FAM174B: variants seen among roughly 807,000 people sequenced by gnomAD.
FAM174B encodes membrane protein FAM174B.
In FAM174B, 12 loss-of-function variants were observed where a neutral mutation model predicts 10.9. That is an observed-to-expected ratio of 1.10 (90% CI 0.71 to 1.79). The LOEUF (loss-of-function observed/expected upper bound fraction) is 1.79. Among genes scored for constraint, FAM174B ranks in the 40% most tolerant of loss-of-function variants. FAM174B has a pLI of 0.00. For synonymous variants in FAM174B, 132 were observed against 115.8 expected (o/e 1.14, Z -0.90); for missense variants, 266 against 233.3 (o/e 1.14, Z -0.91).
chr15:92,654,100 C>G (rs1031032062), intron 1 of FAM174B, among the ~76,000 whole-genome samples: 2 of 152,184 alleles, frequency 1.3e-5, no homozygotes, highest in Non-Finnish European at 2.9e-5. Flanking sequence ...TCCCCTTTCT[C>G]CATTTTCTCA....
intron 2 of FAM174B, among the ~76,000 whole-genome samples, chr15:92,625,029 C>T (rs1246415622): frequency 2.6e-5 from 4 of 152,228 alleles, no homozygotes; most frequent in Non-Finnish European, 2.9e-5. Context: ...GAAACCCAAA[C>T]GCCTCTTGAA....
chr15:92,626,139 ACCAGGC>A (rs1567043033), intron 2 of FAM174B, among the ~76,000 whole-genome samples: 2 of 137,394 alleles, frequency 1.5e-5, no homozygotes, highest in Non-Finnish European at 3.1e-5. Context: ...TTTTTTTGAG[ACCAGGC>A]CGGAGTGCAC....
At chr15:92,632,692 T>A (rs1327917772) in intron 1 of FAM174B, among the ~76,000 whole-genome samples, 1 of 151,956 alleles carries the variant, frequency 6.6e-6, no homozygotes, top group African/African-American at 2.4e-5. Context: ...TTTTTTTTTT[T>A]TCTATCTGTA....
intron 1 of FAM174B, among the ~76,000 whole-genome samples, chr15:92,654,556 C>T (rs2050987952): frequency 6.6e-6 from 1 of 152,160 alleles, no homozygotes; most frequent in Non-Finnish European, 1.5e-5. Flanking sequence ...GAGCAACCTA[C>T]AAAAGGCTCT....
At position 92,619,096 on chromosome 15, in the gene FAM174B, G is replaced by C; in HGVS notation, c.*360C>G. ...CTTGTTTTAGATTCTTGATCCTCCT[G>C]ATCTCTTTTACTATTGTCAACAATT... is the stretch of plus-strand genomic sequence containing the variant. On this transcript the variant is annotated 3_prime_UTR_variant, in exon 3 of 3. Coordinates refer to ENST00000327355, the MANE Select transcript of FAM174B (RefSeq NM_207446.3). The C allele has an allele frequency of 1.6e-6, 1 of 641,844 alleles. No individual in the cohort carries two copies. Among genetic ancestry groups the C allele is most frequent in the South Asian group, 1.8e-5 (1 of 55,226 alleles). 39.8% of individuals were successfully genotyped at this position (641,844 alleles called of 1,614,324 possible). A position where few individuals can be genotyped will look rare whatever the true frequency, so the allele number is the denominator to read the frequency against.
intron 1 of FAM174B, among the ~76,000 whole-genome samples, chr15:92,633,158 A>G (rs1256264829): frequency 1.3e-5 from 2 of 152,220 alleles, no homozygotes; most frequent in Non-Finnish European, 2.9e-5. Flanking sequence ...CAGGTTCCCT[A>G]CACATTCTTC....
chr15:92,643,436 T>C (rs890818949), intron 1 of FAM174B, among the ~76,000 whole-genome samples: 3 of 151,072 alleles, frequency 2.0e-5, no homozygotes, highest in Admixed American at 2.0e-4. Context: ...CTGGAAAGAT[T>C]TGACAAGAAA....
At chr15:92,644,413 T>C (rs74595248) in intron 1 of FAM174B, among the ~76,000 whole-genome samples, 1,662 of 152,054 alleles carry the variant, frequency 0.011, 41 homozygotes, top group African/African-American at 0.038. Flanking sequence ...TTCAGACAAA[T>C]AAGTCACATG....
At chr15:92,654,083 C>A (rs1414858964) in intron 1 of FAM174B, among the ~76,000 whole-genome samples, 2 of 152,122 alleles carry the variant, frequency 1.3e-5, no homozygotes, top group African/African-American at 4.8e-5. Flanking sequence ...GAGCGTGGGA[C>A]CATACTTCCC....
At position 92,655,455 on chromosome 15, in the gene FAM174B, TGGA is replaced by T. The variant is rs1555422687; in HGVS notation, c.202_204del (p.Ser70del). ...AAGGCGTCGCCACTGCTGTTGGAGC[TGGA>T]GCTGCCGCTGCCGCCCGCCGCCCCA... On this transcript the variant is annotated inframe_deletion, in exon 1 of 3. Coordinates refer to ENST00000327355, the MANE Select transcript of FAM174B (RefSeq NM_207446.3). 1 of 1,401,828 alleles carries T rather than the reference TGGA, an allele frequency of 7.1e-7. No individual in the cohort carries two copies. The highest frequency in any genetic ancestry group is 2.7e-5 in the Admixed American group (1 of 37,454). The allele number at this position is 1,401,828 out of a possible 1,614,324, so 86.8% of individuals were successfully genotyped here.
intron 1 of FAM174B, among the ~76,000 whole-genome samples, chr15:92,631,413 A>AATATATT (rs2050814536): frequency 2.4e-5 from 1 of 41,444 alleles, no homozygotes. Flanking sequence ...TATTATATAT[A>AATATATT]ATATATAATA....
chr15:92,629,375 T>C (rs140880112), intron 2 of FAM174B, among the ~76,000 whole-genome samples: 1 of 152,300 alleles, frequency 6.6e-6, no homozygotes, highest in East Asian at 1.9e-4. Flanking sequence ...CATTCTGACT[T>C]TCCTAGAGAA....
chr15:92,617,467 T>C lies in FAM174B; in HGVS notation c.*1989A>G. Reference sequence around the variant, plus strand: ...TCATGGTTTGTGTGTAAAGGGTTTTTATTGGAGAGCCTGTGGCGCTGAAGT... The same window carrying C: ...TCATGGTTTGTGTGTAAAGGGTTTTCATTGGAGAGCCTGTGGCGCTGAAGT... On this transcript the variant is annotated 3_prime_UTR_variant, in exon 3 of 3. Coordinates refer to ENST00000327355, the MANE Select transcript of FAM174B (RefSeq NM_207446.3). The C allele has an allele frequency of 2.0e-6, 1 of 492,592 alleles. No homozygotes were observed. Among genetic ancestry groups the C allele is most frequent in the Non-Finnish European group, 3.5e-6 (1 of 282,718 alleles). 30.5% of individuals were successfully genotyped at this position (492,592 alleles called of 1,614,324 possible). A position where few individuals can be genotyped will look rare whatever the true frequency, so the allele number is the denominator to read the frequency against.
chr15:92,645,896 A>G (rs1180196151), intron 1 of FAM174B, among the ~76,000 whole-genome samples: 4 of 152,040 alleles, frequency 2.6e-5, no homozygotes, highest in Non-Finnish European at 5.9e-5. Context: ...GATGCTCCCA[A>G]TGCCCCTCCA....
At chr15:92,625,060 G>T (rs1205353809) in intron 2 of FAM174B, among the ~76,000 whole-genome samples, 5 of 152,132 alleles carry the variant, frequency 3.3e-5, no homozygotes, top group Admixed American at 6.5e-5. Context: ...CAAAACCCCA[G>T]GGCACTCTTG....
At chr15:92,628,056 T>A (rs1166868105) in intron 2 of FAM174B, among the ~76,000 whole-genome samples, 1 of 152,232 alleles carries the variant, frequency 6.6e-6, no homozygotes, top group Non-Finnish European at 1.5e-5. Context: ...TTCTCTAGTA[T>A]ACTTTAAATC....
rs551510587 is a variant in FAM174B at position 92,655,492 on chromosome 15, C to T, written c.168G>A (p.Arg56=). Residue 56 remains arginine (R), a synonymous_variant, in exon 1 of 3, where the codon CGG becomes CGA. Coordinates refer to ENST00000327355, the MANE Select transcript of FAM174B (RefSeq NM_207446.3). ...TGCCGCCCGCCGCCCCAGACCCAAA[C>T]CGGGTGGTGTTCCCGGGCCCCGGGC... ...PPGPGPGNTT[R]FGSGAAGGSG... 320 of 1,532,704 alleles carry T rather than the reference C, an allele frequency of 2.1e-4. 5 individuals are homozygous for T. In the South Asian group the frequency reaches 3.6e-3, roughly 17 times the overall value. The allele number at this position is 1,532,704 out of a possible 1,614,324, so 94.9% of individuals were successfully genotyped here. A position where few individuals can be genotyped will look rare whatever the true frequency, so the allele number is the denominator to read the frequency against.
In FAM174B at chr15:92,629,539, G is replaced by A. The variant is rs150154076; in HGVS notation, c.476+675C>T. 1.5e-3 allele frequency among the ~76,000 whole-genome samples: 222 copies of A among 152,280 alleles called. 1 individual carries two copies. Among genetic ancestry groups the A allele is most frequent in the African/African-American group, 5.1e-3 (214 of 41,554 alleles). On this transcript the variant is annotated intron_variant, in intron 2 of 2. Coordinates refer to ENST00000327355, the MANE Select transcript of FAM174B (RefSeq NM_207446.3). ...GGGTGCCTGGTGTGTGGCACACACGGCTGCTTGGGCCGGACCCCTGACAAC... is the reference window on the plus strand; with the variant it reads ...GGGTGCCTGGTGTGTGGCACACACGACTGCTTGGGCCGGACCCCTGACAAC...
At chr15:92,653,627 T>C (rs987188726) in intron 1 of FAM174B, among the ~76,000 whole-genome samples, 3 of 152,244 alleles carry the variant, frequency 2.0e-5, no homozygotes, top group African/African-American at 7.2e-5. Context: ...ATGGCATGGT[T>C]GGACTGAAGG....
Sources: gnomAD v4.1 joint callset for allele counts (sites outside exome capture counted in the v4.1 genomes callset) on GRCh38, gnomAD v4.1.1 for gene constraint, MANE v1.5 for transcripts, NCBI Gene and HGNC (gene_info 2026-07-23, HGNC 2026-07-21) for gene names.